The following IREB2 variants were observed in gnomAD, a reference collection of about 807,000 sequenced individuals.
The protein encoded by IREB2 is iron responsive element binding protein 2.
IREB2 carries 39 observed loss-of-function variants against 118.8 expected under a neutral mutation model. The ratio of observed to expected loss-of-function variants is 0.33; its 90% confidence interval spans 0.25 to 0.43. The LOEUF is 0.43. IREB2 is among the 20% of genes least tolerant of loss of function. IREB2 has a pLI of 1.00. For synonymous variants in IREB2, 372 were observed against 392.2 expected (o/e 0.95, Z 0.61); for missense variants, 900 against 1,147.3 (o/e 0.78, Z 3.11).
In IREB2 at chr15:78,496,307, G is replaced by A. The variant is rs113775624; in HGVS notation, c.2596-819G>A. The stretch of plus-strand genomic sequence containing the variant: ...TTTGGAGACAGGGTCTCACTCTGTC[G>A]TCCAGGCTGGAATGCAGTGGCATGA... On this transcript the variant is annotated intron_variant, in intron 20 of 21. Transcript: ENST00000258886. 3.2e-4 allele frequency among the ~76,000 whole-genome samples: 49 copies of A among 152,154 alleles called. 1 individual carries two copies. Among genetic ancestry groups the A allele is most frequent in the African/African-American group, 9.9e-4 (41 of 41,514 alleles).
intron 2 of IREB2, among the ~76,000 whole-genome samples, chr15:78,449,819 G>A (rs1441658485): frequency 6.6e-6 from 1 of 151,836 alleles, no homozygotes; most frequent in Admixed American, 6.6e-5. Context: ...TTTCAGAGCC[G>A]AACCACCTAT....
chr15:78,467,312 A>G (rs1441479141), intron 5 of IREB2, among the ~76,000 whole-genome samples: 1 of 152,192 alleles, frequency 6.6e-6, no homozygotes, highest in Non-Finnish European at 1.5e-5. Flanking sequence ...ATATGGTAAC[A>G]TGGAAAGTAG....
At chr15:78,442,880 A>G (rs1212612959) in intron 2 of IREB2, among the ~76,000 whole-genome samples, 2 of 152,234 alleles carry the variant, frequency 1.3e-5, no homozygotes, top group African/African-American at 4.8e-5. Flanking sequence ...ATGTGTACTT[A>G]ACATAATTCC....
intron 15 of IREB2, 90 bp downstream of exon 15, chr15:78,488,426 T>A: frequency 8.7e-7 from 1 of 1,154,684 alleles, no homozygotes; most frequent in Non-Finnish European, 1.2e-6. Flanking sequence ...GACCATCTAT[T>A]CTTTGAATTA....
In IREB2 at chr15:78,470,535, T is replaced by G; in HGVS notation, c.633T>G (p.Pro211=). 3 of 1,590,238 alleles carry G rather than the reference T, an allele frequency of 1.9e-6. No individual in the cohort carries two copies. The highest frequency in any genetic ancestry group is 2.6e-6 in the Non-Finnish European group (3 of 1,163,526). ...CPFHLQPVPE[P]ETVLKNQEVE... ...TGCCAGCTCTTCTTCCTTTTAGACC[T>G]GAAACAGTGTTAAAAAATCAAGAAG... is the stretch of plus-strand genomic sequence containing the variant. Residue 211 remains proline (P), a synonymous_variant, in exon 6 of 22, where the codon CCT becomes CCG. Coordinates refer to ENST00000258886, the MANE Select transcript of IREB2 (RefSeq NM_004136.4).
Position 78,473,260 on chromosome 15 carries a change from CAG to C in IREB2, c.904_905del (p.Glu302SerfsTer19). On this transcript the variant is annotated frameshift_variant, in exon 8 of 22. Transcript: ENST00000258886. LOFTEE classifies it high-confidence loss of function. ...ACGTTAGGGGTTGGAGGCATTGAAA[CAG>C]AAGCAGTTATGCTTGGTCTGCCAGT... 1 of 1,613,990 alleles carries C rather than the reference CAG, an allele frequency of 6.2e-7. No individual in the cohort carries two copies. The highest frequency in any genetic ancestry group is 8.5e-7 in the Non-Finnish European group (1 of 1,179,900).
At chr15:78,493,061 T>C (rs541999698) in intron 18 of IREB2, among the ~76,000 whole-genome samples, 121 of 152,198 alleles carry the variant, frequency 8.0e-4, no homozygotes, top group African/African-American at 2.7e-3. Flanking sequence ...TGCCAAAAAT[T>C]AAAAACCCAA....
intron 20 of IREB2, among the ~76,000 whole-genome samples, chr15:78,495,076 G>GA (rs201157819): frequency 1.3e-5 from 2 of 152,088 alleles, no homozygotes; most frequent in Non-Finnish European, 2.9e-5. Flanking sequence ...TGCTGGGGGG[G>GA]AATAGTCATG....
chr15:78,494,269 T>G lies in IREB2; in HGVS notation c.2595+5T>G. The G allele has an allele frequency of 1.9e-6, 3 of 1,608,662 alleles. No individual in the cohort carries two copies. The highest frequency in any genetic ancestry group is 2.5e-6 in the Non-Finnish European group (3 of 1,178,668). The stretch of plus-strand genomic sequence containing the variant: ...GCCAAAGGACCGTATTTACTGGTAT[T>G]GAATCTTAAAATTTATCATCTTAAG... On this transcript the variant is annotated splice_donor_5th_base_variant and intron_variant, in intron 20 of 21. Coordinates refer to ENST00000258886, the MANE Select transcript of IREB2 (RefSeq NM_004136.4).
chr15:78,477,252 T>G (rs2051487470), intron 9 of IREB2, among the ~76,000 whole-genome samples: 1 of 152,192 alleles, frequency 6.6e-6, no homozygotes, highest in Admixed American at 6.5e-5. Context: ...ATCCTAAAAT[T>G]TAGTGGCTTG....
intron 5 of IREB2, among the ~76,000 whole-genome samples, chr15:78,469,355 A>G (rs74338360): frequency 0.018 from 2,700 of 152,192 alleles, 104 homozygotes; most frequent in African/African-American, 0.061. Context: ...CCTGAGAAAA[A>G]TCTCACTAAG....
At chr15:78,470,200 C>T (rs531510122) in intron 5 of IREB2, among the ~76,000 whole-genome samples, 2 of 152,306 alleles carry the variant, frequency 1.3e-5, no homozygotes, top group African/African-American at 4.8e-5. Flanking sequence ...ACATGCTTGT[C>T]GTTGAAGCTA....
chr15:78,470,057 A>T (rs2141486126), intron 5 of IREB2, among the ~76,000 whole-genome samples: 1 of 152,334 alleles, frequency 6.6e-6, no homozygotes, highest in East Asian at 1.9e-4. Flanking sequence ...TATGAGATGA[A>T]TGAAAGATTT....
In IREB2 at chr15:78,490,776, C is replaced by A. The variant is rs760469995; in HGVS notation, c.2324+15C>A. On this transcript the variant is annotated intron_variant, in intron 18 of 21. Coordinates refer to ENST00000258886, the MANE Select transcript of IREB2 (RefSeq NM_004136.4). ...ACAAACAGAGGGTATGTGTACATGG[C>A]TTTAGAGTGTTTTTGTTTTTTCTTG... 6.2e-7 allele frequency: 1 copy of A among 1,605,266 alleles called. No homozygotes were observed. The highest frequency in any genetic ancestry group is 1.7e-4 in the Middle Eastern group (1 of 5,988).
At chr15:78,474,401 T>G (rs2051429781) in intron 8 of IREB2, 1 of 152,210 alleles carries the variant, frequency 6.6e-6, no homozygotes, top group African/African-American at 2.4e-5. Flanking sequence ...ATTCAACGTA[T>G]GATACCAAAA....
In IREB2 at chr15:78,438,307, C is replaced by A; in HGVS notation, c.-31C>A. 1 of 1,575,602 alleles carries A rather than the reference C, an allele frequency of 6.3e-7. No homozygotes were observed. Among genetic ancestry groups the A allele is most frequent in the East Asian group, 2.3e-5 (1 of 43,350 alleles). On this transcript the variant is annotated 5_prime_UTR_variant, in exon 1 of 22. Coordinates refer to ENST00000258886, the MANE Select transcript of IREB2 (RefSeq NM_004136.4). ...CTCCCCCTTCTTCCCCCGCTGGCCC[C>A]CTCCCCGGAGGGATAATATGGTCTC... is the stretch of plus-strand genomic sequence containing the variant.
At chr15:78,484,046 A>G (rs2051618754) in intron 11 of IREB2, among the ~76,000 whole-genome samples, 1 of 151,848 alleles carries the variant, frequency 6.6e-6, no homozygotes, top group Admixed American at 6.6e-5. Context: ...CAGCCTCCCA[A>G]CAGTGCTGGG....
chr15:78,464,972 G>A (rs1429766401), intron 3 of IREB2, among the ~76,000 whole-genome samples: 1 of 152,118 alleles, frequency 6.6e-6, no homozygotes, highest in Non-Finnish European at 1.5e-5. Flanking sequence ...AAAATACATG[G>A]CAAGAGTTTC....
chr15:78,484,455 T>C (rs1014310891), intron 11 of IREB2, among the ~76,000 whole-genome samples: 1 of 152,178 alleles, frequency 6.6e-6, no homozygotes, highest in Non-Finnish European at 1.5e-5. Context: ...TCTTGAGAAT[T>C]ACTATAAACA....
Sources: allele counts gnomAD v4.1 joint callset (sites outside exome capture counted in the v4.1 genomes callset), GRCh38; gene constraint gnomAD v4.1.1; transcripts MANE v1.5; gene names NCBI Gene and HGNC (gene_info 2026-07-23, HGNC 2026-07-21).